DOCK3: variants seen among roughly 807,000 people sequenced by gnomAD.
The protein encoded by DOCK3 is dedicator of cytokinesis protein 3.
Under a neutral mutation model 265.6 loss-of-function variants are expected in DOCK3, and 60 were observed. The ratio of observed to expected loss-of-function variants is 0.23; its 90% CI spans 0.18 to 0.28. The LOEUF (loss-of-function observed/expected upper bound fraction) is 0.28, where lower values mean the gene tolerates loss of function less well. DOCK3 is among the 10% of genes least tolerant of loss of function. DOCK3 has a pLI of 1.00. For missense variants in DOCK3, 1,981 were observed against 2,594.3 expected (o/e 0.76, Z 5.14); for synonymous variants, 881 against 938.0 (o/e 0.94, Z 1.11).
At chr3:51,316,914 C>A (rs2083400056) in intron 32 of DOCK3, among the ~76,000 whole-genome samples, 1 of 152,086 alleles carries the variant, frequency 6.6e-6, no homozygotes, top group African/African-American at 2.4e-5. Context: ...CTTATCTTTT[C>A]ATTTACTAAA....
At position 51,277,681 on chromosome 3, in the gene DOCK3, C is replaced by T; in HGVS notation, c.2750C>T (p.Thr917Ile). Residue 917 changes from threonine to isoleucine, a missense_variant, in exon 26 of 53, where the codon ACC (threonine) becomes ATC (isoleucine). Thr to Ile is a moderately conservative substitution (Grantham distance 89). Coordinates refer to ENST00000266037, the MANE Select transcript of DOCK3 (RefSeq NM_004947.5). ...LLDVLLQTLL[T>I]IMSKSHAQEA... ...GACGTGCTCTTGCAGACTCTGCTCACCATCATGAGCAAATCGCACGCTCAG... is the reference window on the plus strand; with the variant it reads ...GACGTGCTCTTGCAGACTCTGCTCATCATCATGAGCAAATCGCACGCTCAG... 2 of 1,609,264 alleles carry T rather than the reference C, an allele frequency of 1.2e-6. No individual in the cohort carries two copies. Among genetic ancestry groups the T allele is most frequent in the Middle Eastern group, 1.9e-4 (1 of 5,398 alleles).
At chr3:51,148,722 A>G (rs2085421817) in intron 10 of DOCK3, among the ~76,000 whole-genome samples, 1 of 152,190 alleles carries the variant, frequency 6.6e-6, no homozygotes, top group Non-Finnish European at 1.5e-5. Context: ...TGGTACCAGT[A>G]CCATGCTGTT....
At chr3:50,796,127 G>A (rs1372413070) in intron 2 of DOCK3, among the ~76,000 whole-genome samples, 7 of 151,122 alleles carry the variant, frequency 4.6e-5, no homozygotes, top group Non-Finnish European at 5.9e-5. Flanking sequence ...TGCAAGCTCC[G>A]CCTCCTGGGT....
At chr3:51,150,447 C>G (rs2085524257) in intron 10 of DOCK3, among the ~76,000 whole-genome samples, 1 of 152,180 alleles carries the variant, frequency 6.6e-6, no homozygotes, top group Non-Finnish European at 1.5e-5. Context: ...AATTTTAGAT[C>G]TTTCCTGCTT....
chr3:51,341,492 G>C (rs982726782), intron 38 of DOCK3, 107 bp downstream of exon 38: 49 of 1,496,508 alleles, frequency 3.3e-5, no homozygotes, highest in Non-Finnish European at 4.4e-5. Context: ...GTGTGGGGTG[G>C]TGAGTGGGTG....
intron 40 of DOCK3, among the ~76,000 whole-genome samples, chr3:51,353,977 C>T (rs2086186048): frequency 6.6e-6 from 1 of 152,170 alleles, no homozygotes. Flanking sequence ...TTGGGGGTGC[C>T]TTGTCCACAA....
intron 5 of DOCK3, among the ~76,000 whole-genome samples, chr3:51,005,493 A>T (rs1236685996): frequency 6.6e-6 from 1 of 152,118 alleles, no homozygotes; most frequent in African/African-American, 2.4e-5. Flanking sequence ...ACTAAACTTT[A>T]TCTCTGTTTT....
chr3:51,146,714 C>T, intron 10 of DOCK3, 84 bp downstream of exon 10: 1 of 1,267,644 alleles, frequency 7.9e-7, no homozygotes, highest in Non-Finnish European at 1.1e-6. Context: ...TGGAAACAAG[C>T]ATTTAGTCTT....
chr3:51,333,664 G>T (rs146112516), intron 35 of DOCK3, among the ~76,000 whole-genome samples: 3 of 152,286 alleles, frequency 2.0e-5, no homozygotes, highest in Non-Finnish European at 4.4e-5. Flanking sequence ...GAGCAGAGAA[G>T]TATCACCTGG....
intron 2 of DOCK3, among the ~76,000 whole-genome samples, chr3:50,837,126 C>T (rs2045556996): frequency 6.6e-6 from 1 of 152,202 alleles, no homozygotes; most frequent in Admixed American, 6.5e-5. Flanking sequence ...TAGGAAGTTC[C>T]AGACTTTTCC....
chr3:50,711,674 G>A (rs1230108238), intron 1 of DOCK3, among the ~76,000 whole-genome samples: 1 of 152,048 alleles, frequency 6.6e-6, no homozygotes, highest in Non-Finnish European at 1.5e-5. Context: ...TCTGATATTA[G>A]GGTAATACTG....
At chr3:51,338,695 A>C (rs1382727673) in intron 36 of DOCK3, among the ~76,000 whole-genome samples, 1 of 151,940 alleles carries the variant, frequency 6.6e-6, no homozygotes, top group Non-Finnish European at 1.5e-5. Flanking sequence ...GTCAACCCTG[A>C]CTCCTGATCT....
At chr3:50,979,040 C>T (rs928297233) in intron 5 of DOCK3, among the ~76,000 whole-genome samples, 3 of 152,146 alleles carry the variant, frequency 2.0e-5, no homozygotes, top group Non-Finnish European at 2.9e-5. Flanking sequence ...CCTGCGCCCA[C>T]TGTCTGGCAC....
intron 31 of DOCK3, among the ~76,000 whole-genome samples, chr3:51,313,626 A>T (rs2109613374): frequency 6.6e-6 from 1 of 152,236 alleles, no homozygotes. Flanking sequence ...TTTCAAGTGA[A>T]GTCTGCTTTC....
intron 9 of DOCK3, among the ~76,000 whole-genome samples, chr3:51,131,411 GGATGGGAGAAA>G (rs999929380): frequency 1.3e-5 from 2 of 152,166 alleles, no homozygotes; most frequent in African/African-American, 4.8e-5. Flanking sequence ...CCTTGGGGAA[GGATGGGAGAAA>G]GATTCACTGC....
intron 1 of DOCK3, among the ~76,000 whole-genome samples, chr3:50,714,774 A>G (rs768303247): frequency 6.6e-6 from 1 of 152,102 alleles, no homozygotes; most frequent in Non-Finnish European, 1.5e-5. Context: ...TTCCAGCTGT[A>G]TTATCCAACC....
At chr3:50,712,828 CT>C (rs1425368911) in intron 1 of DOCK3, among the ~76,000 whole-genome samples, 3 of 152,094 alleles carry the variant, frequency 2.0e-5, no homozygotes, top group African/African-American at 7.2e-5. Context: ...AATTTCAGCC[CT>C]TTTACATTTA....
chr3:50,872,878 C>T (rs1052193960), intron 3 of DOCK3, among the ~76,000 whole-genome samples: 1 of 152,224 alleles, frequency 6.6e-6, no homozygotes, highest in Non-Finnish European at 1.5e-5. Flanking sequence ...AGGCCAAGAG[C>T]TCTTCAGTCA....
chr3:51,240,557 T>C (rs1021161396), intron 21 of DOCK3, among the ~76,000 whole-genome samples: 7 of 152,212 alleles, frequency 4.6e-5, no homozygotes, highest in Non-Finnish European at 8.8e-5. Flanking sequence ...TATTATTGTG[T>C]AGGAGTCTTA....
Sources: allele counts gnomAD v4.1 joint callset (sites outside exome capture counted in the v4.1 genomes callset), GRCh38; gene constraint gnomAD v4.1.1; transcripts MANE v1.5; gene names NCBI Gene and HGNC (gene_info 2026-07-23, HGNC 2026-07-21).